The following SUGT1 variants were observed in gnomAD, a reference collection of about 807,000 sequenced individuals.
The protein encoded by SUGT1 is SGT1 assembly cochaperone of MIS12 kinetochore complex, also known as protein SGT1 homolog.
SUGT1 carries 15 observed loss-of-function variants against 56.1 expected under a neutral mutation model. The ratio of observed to expected loss-of-function variants is 0.27; its 90% CI spans 0.18 to 0.41. The LOEUF (loss-of-function observed/expected upper bound fraction) is 0.41, where lower values mean the gene tolerates loss of function less well. Ranked by LOEUF, SUGT1 falls within the 10% of genes least tolerant of loss-of-function variation. The pLI, the probability that SUGT1 is intolerant of heterozygous loss-of-function variation, is 1.00. For missense variants in SUGT1, 347 were observed against 382.2 expected (o/e 0.91, Z 0.77); for synonymous variants, 123 against 128.6 (o/e 0.96, Z 0.30).
rs1964059583 is a variant in SUGT1 at position 52,700,849 on chromosome 13, G to T, written c.*13014G>T. ...AAAATTAAGTCAATCCACTCACAAA[G>T]AATTTCTATTTTGTAAAAATGTAGC... On this transcript the variant is annotated 3_prime_UTR_variant, in exon 13 of 13. Coordinates refer to ENST00000310528, the MANE Select transcript of SUGT1 (RefSeq NM_006704.5). 6.6e-6 allele frequency: 1 copy of T among 152,098 alleles called. No homozygotes were observed. Among genetic ancestry groups the T allele is most frequent in the African/African-American group, 2.4e-5 (1 of 41,438 alleles). The allele number at this position is 152,098 out of a possible 1,614,324, so 9.4% of individuals were successfully genotyped here.
At position 52,700,139 on chromosome 13, in the gene SUGT1, C is replaced by G. The variant is rs1049059679; in HGVS notation, c.*12304C>G. 11 of 152,216 alleles carry G rather than the reference C, an allele frequency of 7.2e-5. No homozygotes were observed. The highest frequency in any genetic ancestry group is 2.6e-4 in the African/African-American group (11 of 41,532). The allele number at this position is 152,216 out of a possible 1,614,324, so 9.4% of individuals were successfully genotyped here. On this transcript the variant is annotated 3_prime_UTR_variant, in exon 13 of 13. Transcript: ENST00000310528. ...GTTTTGAATAATTTGGTGTTTTAAC[C>G]AATGACTTAATTTAACTTAGTGGGT...
chr13:52,686,840 G>C (rs142363795), intron 12 of SUGT1, among the ~76,000 whole-genome samples: 1 of 152,074 alleles, frequency 6.6e-6, no homozygotes, highest in African/African-American at 2.4e-5. Context: ...GGAGGCCAAG[G>C]TGGGCGGATC....
intron 10 of SUGT1, among the ~76,000 whole-genome samples, chr13:52,674,381 A>G (rs1182970669): frequency 6.6e-6 from 1 of 152,150 alleles, no homozygotes; most frequent in Non-Finnish European, 1.5e-5. Flanking sequence ...TCTTATTATG[A>G]AAACAGTCGT....
intron 12 of SUGT1, among the ~76,000 whole-genome samples, chr13:52,684,125 TC>T (rs1330025327): frequency 6.6e-6 from 1 of 152,152 alleles, no homozygotes; most frequent in African/African-American, 2.4e-5. Flanking sequence ...GGTCTGTAAC[TC>T]CTGAGCTCAA....
chr13:52,654,022 C>G (rs937778699), intron 2 of SUGT1, among the ~76,000 whole-genome samples: 4 of 152,150 alleles, frequency 2.6e-5, no homozygotes, highest in Non-Finnish European at 5.9e-5. Context: ...AAAGAATATT[C>G]CAGGCAGGAC....
chr13:52,697,711 CCTTTA>C lies in SUGT1; in HGVS notation c.*9882_*9886del, dbSNP rs921773022. On this transcript the variant is annotated 3_prime_UTR_variant, in exon 13 of 13. Transcript: ENST00000310528. ...GCCATACACTTTTTCTTTGAGTGAG[CCTTTA>C]CTTTAAGGTATGTAGTAGAATAATA... is the stretch of plus-strand genomic sequence containing the variant. 2.6e-5 allele frequency: 4 copies of C among 152,084 alleles called. No homozygotes were observed. The highest frequency in any genetic ancestry group is 4.4e-5 in the Non-Finnish European group (3 of 68,022). 9.4% of individuals were successfully genotyped at this position (152,084 alleles called of 1,614,324 possible). A position where few individuals can be genotyped will look rare whatever the true frequency, so the allele number is the denominator to read the frequency against.
At chr13:52,669,932 A>G (rs1962863395) in intron 10 of SUGT1, among the ~76,000 whole-genome samples, 1 of 152,218 alleles carries the variant, frequency 6.6e-6, no homozygotes, top group Admixed American at 6.5e-5. Context: ...TTAAGAGACA[A>G]CAGTACTAAA....
chr13:52,665,530 T>A, intron 8 of SUGT1, 107 bp from the exon 9 acceptor site: 2 of 738,092 alleles, frequency 2.7e-6, no homozygotes, highest in Non-Finnish European at 4.4e-6. Flanking sequence ...TTTGCTGTTT[T>A]CTTCCTCCAG....
chr13:52,683,253 G>T (rs1236438501), intron 12 of SUGT1, among the ~76,000 whole-genome samples: 1 of 152,032 alleles, frequency 6.6e-6, no homozygotes, highest in Non-Finnish European at 1.5e-5. Flanking sequence ...TTTGGTAGAT[G>T]ATCTTTGTCA....
At chr13:52,670,025 AG>A (rs1962867749) in intron 10 of SUGT1, among the ~76,000 whole-genome samples, 1 of 152,208 alleles carries the variant, frequency 6.6e-6, no homozygotes, top group Non-Finnish European at 1.5e-5. Flanking sequence ...CGCATTTTGC[AG>A]AGGAGAATCT....
intron 10 of SUGT1, among the ~76,000 whole-genome samples, chr13:52,669,362 C>T (rs1429033425): frequency 6.6e-6 from 1 of 152,108 alleles, no homozygotes; most frequent in Non-Finnish European, 1.5e-5. Flanking sequence ...ACTTGGCAGC[C>T]CTCACCACAT....
At chr13:52,661,274 G>T (rs1181851765) in intron 5 of SUGT1, among the ~76,000 whole-genome samples, 1 of 151,840 alleles carries the variant, frequency 6.6e-6, no homozygotes, top group Non-Finnish European at 1.5e-5. Context: ...AACTTTTTTT[G>T]TTGTTGTTTT....
At chr13:52,678,523 CT>C (rs1963238566) in intron 11 of SUGT1, among the ~76,000 whole-genome samples, 1 of 152,048 alleles carries the variant, frequency 6.6e-6, no homozygotes, top group South Asian at 2.1e-4. Context: ...AACTGTAGCT[CT>C]TTTGTCCAAC....
At chr13:52,681,650 C>T (rs534744550) in intron 12 of SUGT1, among the ~76,000 whole-genome samples, 1 of 152,044 alleles carries the variant, frequency 6.6e-6, no homozygotes, top group South Asian at 2.1e-4. Context: ...CTAGACCAGC[C>T]TGGACAATAT....
At chr13:52,655,855 G>A (rs1962140526) in intron 2 of SUGT1, among the ~76,000 whole-genome samples, 3 of 152,188 alleles carry the variant, frequency 2.0e-5, no homozygotes, top group Admixed American at 1.3e-4. Context: ...CCACTGTCTA[G>A]GCTCAAGATA....
rs1224766860 is a variant in SUGT1, at chr13:52,696,057, C to G, written c.*8222C>G. ...CATGTCATGAGCATGCTTGAGAGTGCTAATCTATTCCTTGTTTGTCAGACC... is the reference window on the plus strand; with the variant it reads ...CATGTCATGAGCATGCTTGAGAGTGGTAATCTATTCCTTGTTTGTCAGACC... On this transcript the variant is annotated 3_prime_UTR_variant, in exon 13 of 13. Coordinates refer to ENST00000310528, the MANE Select transcript of SUGT1 (RefSeq NM_006704.5). The G allele has an allele frequency of 6.6e-6, 1 of 152,184 alleles. No individual in the cohort carries two copies. Among genetic ancestry groups the G allele is most frequent in the Non-Finnish European group, 1.5e-5 (1 of 68,048 alleles). 9.4% of individuals were successfully genotyped at this position (152,184 alleles called of 1,614,324 possible). A position where few individuals can be genotyped will look rare whatever the true frequency, so the allele number is the denominator to read the frequency against.
intron 11 of SUGT1, among the ~76,000 whole-genome samples, chr13:52,678,629 T>G (rs1437811029): frequency 2.6e-5 from 4 of 152,052 alleles, no homozygotes; most frequent in African/African-American, 7.2e-5. Context: ...TGCTACAGTT[T>G]GAAGAGTTAG....
intron 7 of SUGT1, 78 bp from the exon 8 acceptor site, chr13:52,663,957 C>A: frequency 7.7e-7 from 1 of 1,301,262 alleles, no homozygotes; most frequent in Non-Finnish European, 1.1e-6. Context: ...ATAATACATG[C>A]ATTTTAATAA....
intron 5 of SUGT1, among the ~76,000 whole-genome samples, 167 bp downstream of exon 5, chr13:52,659,416 GATTAA>G (rs1346116011): frequency 2.0e-5 from 3 of 151,860 alleles, no homozygotes; most frequent in Admixed American, 2.0e-4. Flanking sequence ...ACTTAAAATC[GATTAA>G]ATTAGCCTTT....
Sources: gnomAD v4.1 joint callset for allele counts (sites outside exome capture counted in the v4.1 genomes callset) on GRCh38, gnomAD v4.1.1 for gene constraint, MANE v1.5 for transcripts, NCBI Gene and HGNC (gene_info 2026-07-23, HGNC 2026-07-21) for gene names.